CRLF1: variants seen among roughly 807,000 people sequenced by gnomAD.
CRLF1 encodes cytokine receptor-like factor 1.
In CRLF1, 36 loss-of-function variants were observed where a neutral mutation model predicts 48.9. The observed-to-expected ratio is 0.74, with a 90% CI of 0.56 to 0.97. The LOEUF is 0.97. Among genes scored for constraint, CRLF1 ranks in the 50% least tolerant of loss-of-function variants. CRLF1 has a pLI of 0.00. For missense variants in CRLF1, 534 were observed against 575.1 expected, an observed-to-expected ratio of 0.93 and a Z score of 0.73; for synonymous variants, 256 against 253.4, an observed-to-expected ratio of 1.01 and a Z score of -0.10.
chr19:18,594,032 T>TGGCACC, intron 8 of CRLF1, 33 bp downstream of exon 8: 2 of 695,814 alleles, frequency 2.9e-6, no homozygotes, highest in Non-Finnish European at 2.2e-6. Flanking sequence ...CTCCCCTTGC[T>TGGCACC]CCCTCCCGCC....
chr19:18,602,853 C>T (rs188686382), intron 1 of CRLF1, among the ~76,000 whole-genome samples: 5 of 151,476 alleles, frequency 3.3e-5, no homozygotes, highest in African/African-American at 1.2e-4. Context: ...AATCTCGGCT[C>T]ACCATAACCT....
rs1976289545 is a variant in CRLF1, at chr19:18,606,036, G to A, written c.115+506C>T. Among the ~76,000 whole-genome samples the A allele has an allele frequency of 6.6e-6, 1 of 151,550 alleles. No individual in the cohort carries two copies. The highest frequency in any genetic ancestry group is 1.5e-5 in the Non-Finnish European group (1 of 67,758). ...GTGGCGCCGGCCCGTGGAGACACAA[G>A]TCCCCCGGGACCCCGGGCTGCGCGC... On this transcript the variant is annotated intron_variant, in intron 1 of 8. Coordinates refer to ENST00000392386, the MANE Select transcript of CRLF1 (RefSeq NM_004750.5). The surrounding 1 kb of genome is among the most constrained non-coding windows in gnomAD (Gnocchi z 4.8).
In CRLF1 at chr19:18,593,454, T is replaced by C; in HGVS notation, c.*112A>G. 6.7e-7 allele frequency: 1 copy of C among 1,490,000 alleles called. No homozygotes were observed. The highest frequency in any genetic ancestry group is 9.2e-7 in the Non-Finnish European group (1 of 1,091,074). The allele number at this position is 1,490,000 out of a possible 1,614,324, so 92.3% of individuals were successfully genotyped here. On this transcript the variant is annotated 3_prime_UTR_variant, in exon 9 of 9. Transcript: ENST00000392386. Reference sequence around the variant, plus strand: ...GTTGGAGCTCAGGGGCCACCCCAGCTCCTGCTGAGGGTGGCTCAGGTGCCC... The same window carrying C: ...GTTGGAGCTCAGGGGCCACCCCAGCCCCTGCTGAGGGTGGCTCAGGTGCCC...
rs1976138810 is a variant in CRLF1 at position 18,596,701 on chromosome 19, G to A, written c.945C>T (p.Pro315=). The change falls in exon 6 of 9, where the codon CCC becomes CCT. Residue 315 remains proline (P), a synonymous_variant. Coordinates refer to ENST00000392386, the MANE Select transcript of CRLF1 (RefSeq NM_004750.5). ...CTTTCTTGGAGCCATAGATGCCAAA[G>A]GGGTTGCAGCGCACTTGCACGAAGT... ...TVYFVQVRCN[P]FGIYGSKKAG... 6 of 1,614,148 alleles carry A rather than the reference G, an allele frequency of 3.7e-6. No homozygotes were observed. The East Asian group carries it at 1.3e-4, about 36-fold the overall frequency.
At chr19:18,598,713 T>C (rs947312210) in intron 3 of CRLF1, 59 bp downstream of exon 3, 109 of 1,613,748 alleles carry the variant, frequency 6.8e-5, no homozygotes, top group Non-Finnish European at 3.7e-5. Context: ...AGGGTCCGCG[T>C]TGGTCAAGGT....
intron 4 of CRLF1, among the ~76,000 whole-genome samples, chr19:18,597,777 G>C (rs896996794): frequency 1.3e-5 from 2 of 152,088 alleles, no homozygotes; most frequent in African/African-American, 4.8e-5. Flanking sequence ...ATTTTGCTGG[G>C]TGCAGAGAAG....
chr19:18,595,250 C>T (rs1332525626), intron 6 of CRLF1, among the ~76,000 whole-genome samples: 2 of 152,248 alleles, frequency 1.3e-5, no homozygotes, highest in African/African-American at 2.4e-5. Flanking sequence ...GCGGACGCAG[C>T]GGCCTGCTGG....
At position 18,593,291 on chromosome 19, in the gene CRLF1, T is replaced by C. The variant is rs1286557425; in HGVS notation, c.*275A>G. On this transcript the variant is annotated 3_prime_UTR_variant, in exon 9 of 9. Transcript: ENST00000392386. ...ACTCTTTTGGAGGGGCCCTAGGTAA[T>C]GGGGAGTAATGACTCCCCTTCTCAC... 9.7e-6 allele frequency: 5 copies of C among 517,146 alleles called. No homozygotes were observed. In the South Asian group the frequency reaches 1.3e-4, roughly 13 times the overall value. The allele number at this position is 517,146 out of a possible 1,614,324, so 32.0% of individuals were successfully genotyped here.
chr19:18,594,099 C>T lies in CRLF1; in HGVS notation c.1221G>A (p.Gly407=). ...TGCCCCGTCTGCCCGAGGGCAGGATCCCCTCGTCCTGTGCTTGGAAGGAAG... is the reference window on the plus strand; with the variant it reads ...TGCCCCGTCTGCCCGAGGGCAGGATTCCCTCGTCCTGTGCTTGGAAGGAAG... The part of the protein sequence containing the change: ...KSHKTRNQDE[G]ILPSGRRGTA... Residue 407 remains glycine, a synonymous_variant, in exon 8 of 9, where the codon GGG becomes GGA. Coordinates refer to ENST00000392386, the MANE Select transcript of CRLF1 (RefSeq NM_004750.5). 6.7e-7 allele frequency: 1 copy of T among 1,502,870 alleles called. No individual in the cohort carries two copies. The highest frequency in any genetic ancestry group is 1.2e-5 in the South Asian group (1 of 84,972). The allele number at this position is 1,502,870 out of a possible 1,614,324, so 93.1% of individuals were successfully genotyped here. A position where few individuals can be genotyped will look rare whatever the true frequency, so the allele number is the denominator to read the frequency against.
rs1373035140 is a variant in CRLF1, at chr19:18,606,407, G to T, written c.115+135C>A. ...TGCCCCGCAGGTGAGGGCGCCCCGA[G>T]GGCTGCGCCGGGGGCGCCTTCCTTT... On this transcript the variant is annotated intron_variant, in intron 1 of 8. Transcript: ENST00000392386. This position sits in a 1 kb window ranked among gnomAD's most constrained non-coding sequence, Gnocchi z 4.8. The T allele has an allele frequency of 4.6e-6, 3 of 648,992 alleles. No homozygotes were observed. Among genetic ancestry groups the T allele is most frequent in the Non-Finnish European group, 5.8e-6 (3 of 516,712 alleles). The allele number at this position is 648,992 out of a possible 1,614,324, so 40.2% of individuals were successfully genotyped here. A position where few individuals can be genotyped will look rare whatever the true frequency, so the allele number is the denominator to read the frequency against.
chr19:18,597,950 CT>C (rs1337756815), intron 4 of CRLF1, among the ~76,000 whole-genome samples: 2 of 151,570 alleles, frequency 1.3e-5, no homozygotes, highest in African/African-American at 4.9e-5. Flanking sequence ...GAGCTGGCCT[CT>C]CCCCCTGAGG....
rs757756891 is a variant in CRLF1 at position 18,594,226 on chromosome 19, C to G, written c.1212+21G>C. Reference sequence around the variant, plus strand: ...CAGCTCCCTGTCCCCACCCCCACGCCCGAGGGTCCCTCCTTCCTACCTGGT... The same window carrying G: ...CAGCTCCCTGTCCCCACCCCCACGCGCGAGGGTCCCTCCTTCCTACCTGGT... On this transcript the variant is annotated intron_variant, in intron 7 of 8. Transcript: ENST00000392386. 5 of 1,612,584 alleles carry G rather than the reference C, an allele frequency of 3.1e-6. No homozygotes were observed. The South Asian group carries it at 4.4e-5, about 14-fold the overall frequency.
In CRLF1 at chr19:18,594,424, GC is replaced by G; in HGVS notation, c.1034del (p.Gly345AlafsTer81). On this transcript the variant is annotated frameshift_variant, in exon 7 of 9. Coordinates refer to ENST00000392386, the MANE Select transcript of CRLF1 (RefSeq NM_004750.5). LOFTEE classifies it high-confidence loss of function. ...AASTPRSERP[G>X]PGGGACEPRG... ...GCGGTTCGCACGCCCCGCCGCCCGG[GC>G]CCGGGCGCTCTGGTGGTGGGCGGAG... The G allele has an allele frequency of 6.7e-7, 1 of 1,493,264 alleles. No homozygotes were observed. Among genetic ancestry groups the G allele is most frequent in the African/African-American group, 1.4e-5 (1 of 70,342 alleles). The allele number at this position is 1,493,264 out of a possible 1,614,324, so 92.5% of individuals were successfully genotyped here.
chr19:18,593,906 C>T (rs1014379328), intron 8 of CRLF1, 159 bp downstream of exon 8: 6 of 973,370 alleles, frequency 6.2e-6, no homozygotes, highest in Non-Finnish European at 7.3e-6. Flanking sequence ...ACAGTAAGTG[C>T]TAAGTAAATG....
At chr19:18,593,796 T>C in intron 8 of CRLF1, 1 of 985,488 alleles carries the variant, frequency 1.0e-6, no homozygotes, top group African/African-American at 1.7e-5. Flanking sequence ...CCATGCGTGC[T>C]AACTAGGGTG....
At position 18,606,468 on chromosome 19, in the gene CRLF1, C is replaced by T; in HGVS notation, c.115+74G>A. ...CGTCCAGGTGGCGCCCGCGCCCCCT[C>T]CCCCCGCGGCTGCCCCCGGGGCGCC... On this transcript the variant is annotated intron_variant, in intron 1 of 8. Coordinates refer to ENST00000392386, the MANE Select transcript of CRLF1 (RefSeq NM_004750.5). This position sits in a 1 kb window ranked among gnomAD's most constrained non-coding sequence, Gnocchi z 4.8. The T allele has an allele frequency of 2.8e-6, 3 of 1,056,334 alleles. No individual in the cohort carries two copies. The highest frequency in any genetic ancestry group is 3.4e-6 in the Non-Finnish European group (3 of 872,304). The allele number at this position is 1,056,334 out of a possible 1,614,324, so 65.4% of individuals were successfully genotyped here. A position where few individuals can be genotyped will look rare whatever the true frequency, so the allele number is the denominator to read the frequency against.
Position 18,593,473 on chromosome 19 carries a change from G to A in CRLF1, c.*93C>T. ...CCCAGCTCCTGCTGAGGGTGGCTCA[G>A]GTGCCCTGAAGTGAGGGTACAGAGG... On this transcript the variant is annotated 3_prime_UTR_variant, in exon 9 of 9. Coordinates refer to ENST00000392386, the MANE Select transcript of CRLF1 (RefSeq NM_004750.5). 1 of 1,563,882 alleles carries A rather than the reference G, an allele frequency of 6.4e-7. No homozygotes were observed. Among genetic ancestry groups the A allele is most frequent in the East Asian group, 2.3e-5 (1 of 43,010 alleles).
At chr19:18,594,032 T>TTGGGCCCC in intron 8 of CRLF1, 33 bp downstream of exon 8, 10 of 695,802 alleles carry the variant, frequency 1.4e-5, no homozygotes, top group Non-Finnish European at 2.0e-5. Context: ...CTCCCCTTGC[T>TTGGGCCCC]CCCTCCCGCC....
chr19:18,594,482 G>C, intron 6 of CRLF1, 48 bp from the exon 7 acceptor site: 2 of 1,287,400 alleles, frequency 1.6e-6, no homozygotes, highest in Non-Finnish European at 2.0e-6. Flanking sequence ...GGCAGGGGGT[G>C]CGCGCGGGCA....
Sources: gnomAD v4.1 joint callset for allele counts (sites outside exome capture counted in the v4.1 genomes callset) on GRCh38, gnomAD v4.1.1 for gene constraint, Gnocchi (gnomAD v3.1) non-coding constraint, MANE v1.5 for transcripts, NCBI Gene and HGNC (gene_info 2026-07-23, HGNC 2026-07-21) for gene names.